ONECUT2: variants seen among roughly 807,000 people sequenced by gnomAD.
ONECUT2 encodes the protein one cut homeobox 2, also known as one cut domain family member 2.
A neutral mutation model predicts 27.9 loss-of-function variants in ONECUT2; 10 were observed. The ratio of observed to expected loss-of-function variants is 0.36; its 90% confidence interval spans 0.22 to 0.61. The LOEUF is 0.61. Ranked by LOEUF, ONECUT2 falls within the 20% of genes least tolerant of loss-of-function variation. The pLI, the probability that ONECUT2 is intolerant of heterozygous loss-of-function variation, is 0.73. For missense variants in ONECUT2, 686 were observed against 721.0 expected (o/e 0.95, Z 0.56); for synonymous variants, 334 against 315.1 (o/e 1.06, Z -0.64).
intron 1 of ONECUT2, among the ~76,000 whole-genome samples, chr18:57,446,424 G>A (rs2050200692): frequency 6.6e-6 from 1 of 152,136 alleles, no homozygotes; most frequent in Admixed American, 6.5e-5. Flanking sequence ...TGGATCAAGG[G>A]GAAGACAGAC....
intron 1 of ONECUT2, among the ~76,000 whole-genome samples, chr18:57,450,405 C>T (rs1402783179): frequency 6.6e-6 from 1 of 152,184 alleles, no homozygotes; most frequent in Non-Finnish European, 1.5e-5. Context: ...AACTCCTGAC[C>T]TTAAGTGATC....
chr18:57,474,571 G>A (rs1422321909), intron 1 of ONECUT2, among the ~76,000 whole-genome samples: 1 of 152,134 alleles, frequency 6.6e-6, no homozygotes, highest in Non-Finnish European at 1.5e-5. Flanking sequence ...GGGGCAAGAG[G>A]TCTCTCTCAG....
intron 1 of ONECUT2, among the ~76,000 whole-genome samples, chr18:57,458,847 C>T (rs4940739): frequency 0.044 from 6,738 of 152,236 alleles, 577 homozygotes; most frequent in East Asian, 0.36. Flanking sequence ...GAGGAGAGAG[C>T]TCCTATTTCC....
chr18:57,465,547 C>T (rs946487509), intron 1 of ONECUT2, among the ~76,000 whole-genome samples: 2 of 152,212 alleles, frequency 1.3e-5, no homozygotes, highest in African/African-American at 4.8e-5. Flanking sequence ...GTTCCTGTTT[C>T]ATAAAAGCCA....
At position 57,480,189 on chromosome 18, in the gene ONECUT2, T is replaced by C. The variant is rs2122159519; in HGVS notation, c.*3466T>C. ...ATGTGACTCTCCACAATTTTTATAA[T>C]TCATCCTTCCTAGGAGATTGTTCAT... On this transcript the variant is annotated 3_prime_UTR_variant, in exon 2 of 2. Coordinates refer to ENST00000491143, the MANE Select transcript of ONECUT2 (RefSeq NM_004852.3). The C allele has an allele frequency of 1.3e-5, 2 of 152,334 alleles. 1 individual carries two copies. Among genetic ancestry groups the C allele is most frequent in the South Asian group, 4.1e-4 (2 of 4,824 alleles). 9.4% of individuals were successfully genotyped at this position (152,334 alleles called of 1,614,324 possible). A position where few individuals can be genotyped will look rare whatever the true frequency, so the allele number is the denominator to read the frequency against.
In ONECUT2 at chr18:57,481,863, T is replaced by G. The variant is rs767206514; in HGVS notation, c.*5140T>G. The G allele has an allele frequency of 2.0e-5, 3 of 152,208 alleles. No individual in the cohort carries two copies. Among genetic ancestry groups the G allele is most frequent in the African/African-American group, 4.8e-5 (2 of 41,440 alleles). The allele number at this position is 152,208 out of a possible 1,614,324, so 9.4% of individuals were successfully genotyped here. On this transcript the variant is annotated 3_prime_UTR_variant, in exon 2 of 2. Coordinates refer to ENST00000491143, the MANE Select transcript of ONECUT2 (RefSeq NM_004852.3). ...AGGCACAACTACCTTGGCGATAATCTTCTAGATTCGTAACAGGTTAGAGCT... is the reference window on the plus strand; with the variant it reads ...AGGCACAACTACCTTGGCGATAATCGTCTAGATTCGTAACAGGTTAGAGCT...
At chr18:57,464,475 TG>T (rs1373235670) in intron 1 of ONECUT2, among the ~76,000 whole-genome samples, 2 of 152,218 alleles carry the variant, frequency 1.3e-5, no homozygotes, top group African/African-American at 4.8e-5. Context: ...TTTTTGTTTT[TG>T]TTTTTTTATA....
chr18:57,476,109 C>T (rs4940771), intron 1 of ONECUT2, among the ~76,000 whole-genome samples: 9,650 of 152,196 alleles, frequency 0.063, 799 homozygotes, highest in East Asian at 0.36. Flanking sequence ...GTCCTCCCTG[C>T]CTTCGTGGCA....
intron 1 of ONECUT2, among the ~76,000 whole-genome samples, chr18:57,473,603 C>A (rs188381757): frequency 6.6e-6 from 1 of 152,290 alleles, no homozygotes; most frequent in Admixed American, 6.5e-5. Flanking sequence ...ATCAGGCAGA[C>A]CCTTGCAACT....
At chr18:57,475,484 G>A (rs180943367) in intron 1 of ONECUT2, among the ~76,000 whole-genome samples, 12 of 152,252 alleles carry the variant, frequency 7.9e-5, no homozygotes, top group Non-Finnish European at 1.5e-4. Context: ...CCCTGAAAGC[G>A]TCAAGAAGCC....
chr18:57,436,220 C>G lies in ONECUT2; in HGVS notation c.504C>G (p.His168Gln). The G allele has an allele frequency of 6.2e-7, 1 of 1,604,196 alleles. No individual in the cohort carries two copies. Among genetic ancestry groups the G allele is most frequent in the East Asian group, 2.2e-5 (1 of 44,496 alleles). The change falls in exon 1 of 2, where the codon CAC becomes CAG. Residue 168 changes from histidine to glutamine, a missense_variant. Physicochemically the swap from His to Gln is conservative, Grantham distance 24. Transcript: ENST00000491143. This position sits in a 1 kb window ranked among gnomAD's most constrained non-coding sequence, Gnocchi z 5.9. Reference protein sequence around the residue: ...PPISTVSDKFHHPHPHHHPHH... With the variant: ...PPISTVSDKFQHPHPHHHPHH... ...TCTCCACCGTGTCTGACAAGTTCCACCACCCTCACCCGCACCACCATCCGC... is the reference window on the plus strand; with the variant it reads ...TCTCCACCGTGTCTGACAAGTTCCAGCACCCTCACCCGCACCACCATCCGC...
intron 1 of ONECUT2, among the ~76,000 whole-genome samples, chr18:57,442,376 A>G (rs919945747): frequency 1.3e-5 from 2 of 151,828 alleles, no homozygotes; most frequent in African/African-American, 4.8e-5. Flanking sequence ...TAATAAGAGG[A>G]AGGAAAAGAG....
At chr18:57,443,835 G>T (rs117097719) in intron 1 of ONECUT2, among the ~76,000 whole-genome samples, 4,440 of 152,224 alleles carry the variant, frequency 0.029, 96 homozygotes, top group Non-Finnish European at 0.042. Flanking sequence ...GTCCCAAAGG[G>T]CAGGGAGGCT....
intron 1 of ONECUT2, among the ~76,000 whole-genome samples, chr18:57,437,625 G>A (rs561760652): frequency 3.3e-5 from 5 of 152,278 alleles, no homozygotes; most frequent in Admixed American, 6.5e-5. Context: ...TGAGGGGCTC[G>A]GGCCAGCTCC....
At chr18:57,475,037 C>G (rs1358324788) in intron 1 of ONECUT2, among the ~76,000 whole-genome samples, 1 of 146,532 alleles carries the variant, frequency 6.8e-6, no homozygotes, top group Non-Finnish European at 1.5e-5. Flanking sequence ...CCTAGGGGAG[C>G]TGGGACTTAT....
Position 57,435,976 on chromosome 18 carries a change from C to T in ONECUT2, c.260C>T (p.Ala87Val). The T allele has an allele frequency of 6.9e-7, 1 of 1,441,046 alleles. No individual in the cohort carries two copies. The highest frequency in any genetic ancestry group is 9.1e-7 in the Non-Finnish European group (1 of 1,102,490). 89.3% of individuals were successfully genotyped at this position (1,441,046 alleles called of 1,614,324 possible). A position where few individuals can be genotyped will look rare whatever the true frequency, so the allele number is the denominator to read the frequency against. ...SLRGPPPPPT[A>V]HQELGTAAAA... ...CGGGGCCCTCCGCCGCCTCCAACCG[C>T]GCACCAGGAGCTGGGCACGGCGGCA... is the stretch of plus-strand genomic sequence containing the variant. The change falls in exon 1 of 2, where the codon GCG (alanine) becomes GTG (valine). Residue 87 changes from alanine to valine, a missense_variant. Ala to Val is a moderately conservative substitution (Grantham distance 64). Coordinates refer to ENST00000491143, the MANE Select transcript of ONECUT2 (RefSeq NM_004852.3).
chr18:57,448,092 GAGAT>G (rs1158450423), intron 1 of ONECUT2, among the ~76,000 whole-genome samples: 4 of 152,214 alleles, frequency 2.6e-5, no homozygotes, highest in East Asian at 1.9e-4. Flanking sequence ...CCAGAGAAAA[GAGAT>G]AGGAGAGTCC....
At chr18:57,451,252 G>C (rs1412059654) in intron 1 of ONECUT2, among the ~76,000 whole-genome samples, 1 of 152,228 alleles carries the variant, frequency 6.6e-6, no homozygotes, top group Non-Finnish European at 1.5e-5. Context: ...AAGCATTCCA[G>C]ATTTTTATTT....
intron 1 of ONECUT2, among the ~76,000 whole-genome samples, chr18:57,450,335 G>A (rs2050223280): frequency 6.6e-6 from 1 of 152,036 alleles, no homozygotes. Flanking sequence ...CACTATGCCT[G>A]GCTAATTTGT....
Sources: allele counts gnomAD v4.1 joint callset (sites outside exome capture counted in the v4.1 genomes callset), GRCh38; gene constraint gnomAD v4.1.1; non-coding constraint Gnocchi (gnomAD v3.1); transcripts MANE v1.5; gene names NCBI Gene and HGNC (gene_info 2026-07-23, HGNC 2026-07-21).